The following VEPH1 variants were observed in gnomAD, a reference collection of about 807,000 sequenced individuals.
VEPH1 encodes ventricular zone expressed PH domain containing 1.
Under a neutral mutation model 85.2 loss-of-function variants are expected in VEPH1, and 80 were observed. That is an observed-to-expected ratio of 0.94 (90% CI 0.78 to 1.13). The LOEUF (loss-of-function observed/expected upper bound fraction) is 1.13, where lower values mean the gene tolerates loss of function less well. Among genes scored for constraint, VEPH1 ranks in the 50% most tolerant of loss-of-function variants. VEPH1 has a pLI of 0.00. For synonymous variants in VEPH1, 297 were observed against 348.0 expected (o/e 0.85, Z 1.63); for missense variants, 955 against 980.5 (o/e 0.97, Z 0.35).
chr3:157,484,632 A>G (rs1343780518), intron 2 of VEPH1, among the ~76,000 whole-genome samples: 13 of 152,226 alleles, frequency 8.5e-5, no homozygotes. Flanking sequence ...TTTCAAGGGT[A>G]TTACACAGGT....
intron 4 of VEPH1, among the ~76,000 whole-genome samples, chr3:157,453,006 A>T (rs1389644613): frequency 6.6e-6 from 1 of 152,222 alleles, no homozygotes; most frequent in Non-Finnish European, 1.5e-5. Flanking sequence ...ACTGAAGTAC[A>T]GTATCCCCTG....
At chr3:157,268,179 G>A (rs1208119677) in intron 12 of VEPH1, among the ~76,000 whole-genome samples, 3 of 152,132 alleles carry the variant, frequency 2.0e-5, no homozygotes, top group Non-Finnish European at 4.4e-5. Context: ...GATTTCCTTT[G>A]TGCAACCACA....
intron 9 of VEPH1, among the ~76,000 whole-genome samples, chr3:157,329,153 A>G (rs1190081937): frequency 6.6e-6 from 1 of 152,176 alleles, no homozygotes; most frequent in Non-Finnish European, 1.5e-5. Flanking sequence ...TTTATTCTGT[A>G]TGTAGAGACT....
At chr3:157,465,451 T>C (rs1030240775) in intron 3 of VEPH1, among the ~76,000 whole-genome samples, 1 of 152,234 alleles carries the variant, frequency 6.6e-6, no homozygotes, top group African/African-American at 2.4e-5. Context: ...AATTTAATTT[T>C]CACAGCAAAC....
intron 5 of VEPH1, among the ~76,000 whole-genome samples, chr3:157,422,338 G>T (rs1375805786): frequency 6.6e-6 from 1 of 152,188 alleles, no homozygotes; most frequent in Non-Finnish European, 1.5e-5. Flanking sequence ...TACCACCACT[G>T]TTCTTAAAAA....
At chr3:157,351,532 C>T (rs549028487) in intron 9 of VEPH1, among the ~76,000 whole-genome samples, 6 of 152,294 alleles carry the variant, frequency 3.9e-5, no homozygotes, top group Non-Finnish European at 7.3e-5. Context: ...AATGAAGAGT[C>T]CATTAATTCA....
chr3:157,285,546 A>C (rs1024355713), intron 12 of VEPH1, among the ~76,000 whole-genome samples: 1 of 152,354 alleles, frequency 6.6e-6, no homozygotes, highest in Non-Finnish European at 1.5e-5. Flanking sequence ...ATGGCTGCCT[A>C]GAAGATGGCT....
chr3:157,481,753 C>T (rs1240891369), intron 2 of VEPH1, among the ~76,000 whole-genome samples: 1 of 152,156 alleles, frequency 6.6e-6, no homozygotes, highest in Non-Finnish European at 1.5e-5. Context: ...ACATTTAAAT[C>T]TTTAATCCAC....
At chr3:157,444,473 C>T (rs1309217701) in intron 4 of VEPH1, among the ~76,000 whole-genome samples, 2 of 152,164 alleles carry the variant, frequency 1.3e-5, no homozygotes, top group Non-Finnish European at 2.9e-5. Context: ...CGAGGCTAAG[C>T]CTCTAAGAAA....
chr3:157,391,488 A>G (rs1729849157), intron 6 of VEPH1, among the ~76,000 whole-genome samples: 1 of 152,180 alleles, frequency 6.6e-6, no homozygotes, highest in Non-Finnish European at 1.5e-5. Flanking sequence ...GCGGGATGCC[A>G]TTTTTAATCC....
At chr3:157,431,913 T>A (rs927193290) in intron 4 of VEPH1, among the ~76,000 whole-genome samples, 1 of 151,932 alleles carries the variant, frequency 6.6e-6, no homozygotes, top group African/African-American at 2.4e-5. Context: ...AGTGGCGTGA[T>A]CTTGGCTCAC....
At chr3:157,327,418 T>A (rs1033280771) in intron 9 of VEPH1, among the ~76,000 whole-genome samples, 7 of 152,192 alleles carry the variant, frequency 4.6e-5, no homozygotes, top group Admixed American at 2.0e-4. Context: ...TTGCTCTTGA[T>A]CAGCTCTAGA....
rs1212888347 is a variant in VEPH1, at chr3:157,283,249, G to T, written c.2128+3308C>A. On this transcript the variant is annotated intron_variant, in intron 12 of 13. Coordinates refer to ENST00000362010, the MANE Select transcript of VEPH1 (RefSeq NM_001167912.2). ...GTTGAAAAGTCAGGTTCTGGAATTG[G>T]CTGTCTGGATTAAAATACTGGTTCC... Among the ~76,000 whole-genome samples, 11 of 152,204 alleles carry T rather than the reference G, an allele frequency of 7.2e-5. No homozygotes were observed. The East Asian group carries it at 2.1e-3, about 29-fold the overall frequency.
At chr3:157,303,697 G>A (rs1719093045) in intron 11 of VEPH1, among the ~76,000 whole-genome samples, 1 of 152,000 alleles carries the variant, frequency 6.6e-6, no homozygotes, top group Non-Finnish European at 1.5e-5. Context: ...TCTTCATTTA[G>A]TTTTCCCCTT....
chr3:157,304,685 A>C (rs1041263177), intron 11 of VEPH1, among the ~76,000 whole-genome samples: 4 of 152,174 alleles, frequency 2.6e-5, no homozygotes, highest in Admixed American at 6.5e-5. Context: ...TTATCTTAGA[A>C]TCTATTTTTC....
intron 6 of VEPH1, among the ~76,000 whole-genome samples, chr3:157,398,700 G>A (rs1032074421): frequency 1.3e-5 from 2 of 151,826 alleles, no homozygotes; most frequent in African/African-American, 2.4e-5. Flanking sequence ...CCTAAAGGGC[G>A]GGCTCAACTA....
chr3:157,393,407 T>A (rs1235535124), intron 6 of VEPH1, among the ~76,000 whole-genome samples: 1 of 152,208 alleles, frequency 6.6e-6, no homozygotes, highest in Non-Finnish European at 1.5e-5. Context: ...TTGTAAAGTA[T>A]CTAGCATAGA....
chr3:157,483,792 T>C (rs1738364315), intron 2 of VEPH1, among the ~76,000 whole-genome samples: 1 of 152,204 alleles, frequency 6.6e-6, no homozygotes, highest in Non-Finnish European at 1.5e-5. Flanking sequence ...GTTCTTTTTT[T>C]GTACTATTAT....
At chr3:157,262,810 T>C (rs1713090993) in intron 13 of VEPH1, among the ~76,000 whole-genome samples, 1 of 152,166 alleles carries the variant, frequency 6.6e-6, no homozygotes, top group African/African-American at 2.4e-5. Flanking sequence ...TCTTTTAGGG[T>C]ACACAGGATA....
Sources: gnomAD v4.1 joint callset for allele counts (sites outside exome capture counted in the v4.1 genomes callset) on GRCh38, gnomAD v4.1.1 for gene constraint, MANE v1.5 for transcripts, NCBI Gene and HGNC (gene_info 2026-07-23, HGNC 2026-07-21) for gene names.